GRAP2: variants seen among roughly 807,000 people sequenced by gnomAD.
GRAP2 encodes the protein GRB2 related adaptor protein 2.
Under a neutral mutation model 43.5 loss-of-function variants are expected in GRAP2, and 31 were observed. The ratio of observed to expected loss-of-function variants is 0.71; its 90% CI spans 0.54 to 0.96. The LOEUF (loss-of-function observed/expected upper bound fraction) is 0.96, where lower values mean the gene tolerates loss of function less well. Ranked by LOEUF, GRAP2 falls within the 40% of genes least tolerant of loss-of-function variation. GRAP2 has a pLI of 0.00. For synonymous variants in GRAP2, 156 were observed against 164.8 expected, an observed-to-expected ratio of 0.95 and a Z score of 0.41; for missense variants, 371 against 424.4, an observed-to-expected ratio of 0.87 and a Z score of 1.11.
chr22:39,934,591 G>A (rs2066787932), intron 1 of GRAP2, among the ~76,000 whole-genome samples: 1 of 152,206 alleles, frequency 6.6e-6, no homozygotes, highest in South Asian at 2.1e-4. Flanking sequence ...AAGTCAGAAA[G>A]GTTAAATGTG....
At chr22:39,931,175 A>G (rs892963705) in intron 1 of GRAP2, among the ~76,000 whole-genome samples, 9 of 152,160 alleles carry the variant, frequency 5.9e-5, no homozygotes, top group African/African-American at 2.2e-4. Flanking sequence ...CGAATACACA[A>G]AGCATATGGA....
Position 39,971,329 on chromosome 22 carries a change from A to T in GRAP2, c.*245A>T. Reference sequence around the variant, plus strand: ...CCCCCCTCAGGGGTGTGTGGAAGGCAGTGGGGGAGTTGGGAGGGGGGCAGG... The same window carrying T: ...CCCCCCTCAGGGGTGTGTGGAAGGCTGTGGGGGAGTTGGGAGGGGGGCAGG... On this transcript the variant is annotated 3_prime_UTR_variant, in exon 8 of 8. Coordinates refer to ENST00000344138, the MANE Select transcript of GRAP2 (RefSeq NM_004810.4). 1 of 483,456 alleles carries T rather than the reference A, an allele frequency of 2.1e-6. No homozygotes were observed. The highest frequency in any genetic ancestry group is 3.8e-5 in the East Asian group (1 of 26,616). The allele number at this position is 483,456 out of a possible 1,614,324, so 29.9% of individuals were successfully genotyped here. A position where few individuals can be genotyped will look rare whatever the true frequency, so the allele number is the denominator to read the frequency against.
intron 4 of GRAP2, chr22:39,964,207 C>T: frequency 1.8e-6 from 1 of 543,196 alleles, no homozygotes; most frequent in Non-Finnish European, 3.2e-6. Flanking sequence ...AAAACTGGAT[C>T]TAATGGTAAA....
intron 1 of GRAP2, among the ~76,000 whole-genome samples, chr22:39,941,155 T>C (rs1309972712): frequency 6.6e-6 from 1 of 152,244 alleles, no homozygotes; most frequent in Non-Finnish European, 1.5e-5. Context: ...GCAGGTCATT[T>C]GCATGTCTTC....
chr22:39,942,717 G>A (rs1189593942), intron 1 of GRAP2, among the ~76,000 whole-genome samples: 2 of 152,138 alleles, frequency 1.3e-5, no homozygotes, highest in African/African-American at 4.8e-5. Flanking sequence ...GTGAGCTAAA[G>A]AGTTCAAAGC....
intron 6 of GRAP2, 151 bp downstream of exon 6, chr22:39,968,423 A>G: frequency 1.3e-6 from 1 of 747,434 alleles, no homozygotes; most frequent in Non-Finnish European, 2.2e-6. Flanking sequence ...TGTTCTTGGC[A>G]AAGACATCTC....
chr22:39,948,826 C>T (rs1455571862), intron 2 of GRAP2, among the ~76,000 whole-genome samples: 1 of 152,194 alleles, frequency 6.6e-6, no homozygotes, highest in Non-Finnish European at 1.5e-5. Context: ...GCAGCACCAC[C>T]CTCTCCGGGT....
chr22:39,918,340 A>C (rs1056157184), intron 1 of GRAP2, among the ~76,000 whole-genome samples: 1 of 152,172 alleles, frequency 6.6e-6, no homozygotes, highest in Admixed American at 6.5e-5. Flanking sequence ...TGGGATCCCA[A>C]AAGGTTATCA....
chr22:39,933,341 G>A (rs1340519792), intron 1 of GRAP2, among the ~76,000 whole-genome samples: 4 of 152,206 alleles, frequency 2.6e-5, no homozygotes, highest in South Asian at 2.1e-4. Flanking sequence ...CAAGGATGTC[G>A]ATGGAGTGCT....
intron 2 of GRAP2, among the ~76,000 whole-genome samples, chr22:39,952,125 C>T (rs2066990991): frequency 6.6e-6 from 1 of 150,420 alleles, no homozygotes; most frequent in African/African-American, 2.4e-5. Flanking sequence ...CTCCTGGGTT[C>T]AAGCAATTCT....
At chr22:39,913,952 T>C (rs1048830712) in intron 1 of GRAP2, among the ~76,000 whole-genome samples, 1 of 152,120 alleles carries the variant, frequency 6.6e-6, no homozygotes, top group Admixed American at 6.6e-5. Flanking sequence ...CATTCAGTAA[T>C]GATAAAGAAC....
intron 1 of GRAP2, among the ~76,000 whole-genome samples, chr22:39,913,564 G>A (rs1218832622): frequency 6.6e-6 from 1 of 152,114 alleles, no homozygotes; most frequent in East Asian, 1.9e-4. Flanking sequence ...ACTGAGAAGG[G>A]GCTTAGTGCT....
chr22:39,922,311 C>G (rs1291341572), intron 1 of GRAP2, among the ~76,000 whole-genome samples: 1 of 152,126 alleles, frequency 6.6e-6, no homozygotes, highest in Non-Finnish European at 1.5e-5. Flanking sequence ...AACAGCTTTA[C>G]AGAGAAGGTA....
chr22:39,912,512 AT>A, intron 1 of GRAP2, among the ~76,000 whole-genome samples: 1 of 152,160 alleles, frequency 6.6e-6, no homozygotes, highest in Non-Finnish European at 1.5e-5. Context: ...GCCAGGAAAC[AT>A]TTTTTGTCAC....
upstream of GRAP2, among the ~76,000 whole-genome samples, chr22:39,897,515 CTT>C (rs368180670): frequency 2.4e-5 from 3 of 127,640 alleles, no homozygotes; most frequent in Admixed American, 7.8e-5. Flanking sequence ...AAAGTAGCCT[CTT>C]TTTTTTTTTT....
intron 1 of GRAP2, among the ~76,000 whole-genome samples, chr22:39,927,718 C>T (rs1324494137): frequency 2.6e-5 from 4 of 152,082 alleles, no homozygotes; most frequent in African/African-American, 9.7e-5. Context: ...TTTCCGGGGC[C>T]AAGTTCATTT....
chr22:39,935,075 A>G (rs560304911), intron 1 of GRAP2, among the ~76,000 whole-genome samples: 19 of 152,360 alleles, frequency 1.2e-4, no homozygotes, highest in African/African-American at 4.3e-4. Context: ...GAAAATGACC[A>G]GGAGATCAAG....
intron 1 of GRAP2, chr22:39,946,751 T>C: frequency 4.2e-6 from 1 of 236,288 alleles, no homozygotes; most frequent in South Asian, 7.0e-5. Flanking sequence ...AAGTTACAGA[T>C]GATAGCAAGC....
rs1386272340 is a variant in GRAP2, at chr22:39,972,024, C to G, written c.*940C>G. ...CCTTGCCCAGTGGCATGGAAAGAAG[C>G]CCACTTGATGATAGGAGCCTGACTA... is the stretch of plus-strand genomic sequence containing the variant. On this transcript the variant is annotated 3_prime_UTR_variant, in exon 8 of 8. Transcript: ENST00000344138. The G allele has an allele frequency of 6.6e-6, 1 of 152,272 alleles. No individual in the cohort carries two copies. Among genetic ancestry groups the G allele is most frequent in the African/African-American group, 2.4e-5 (1 of 41,454 alleles). The allele number at this position is 152,272 out of a possible 1,614,324, so 9.4% of individuals were successfully genotyped here. A position where few individuals can be genotyped will look rare whatever the true frequency, so the allele number is the denominator to read the frequency against.
Sources: gnomAD v4.1 joint callset for allele counts (sites outside exome capture counted in the v4.1 genomes callset) on GRCh38, gnomAD v4.1.1 for gene constraint, MANE v1.5 for transcripts, NCBI Gene and HGNC (gene_info 2026-07-23, HGNC 2026-07-21) for gene names.